DAB1: variants seen among roughly 807,000 people sequenced by gnomAD.
DAB1 encodes the protein disabled homolog 1.
In DAB1, 15 loss-of-function variants were observed where a neutral mutation model predicts 64.6. The observed-to-expected ratio is 0.23, with a 90% confidence interval of 0.16 to 0.36. The LOEUF is 0.36. Ranked by LOEUF, DAB1 falls within the 10% of genes least tolerant of loss-of-function variation. The pLI is 1.00. For missense variants in DAB1, 596 were observed against 706.7 expected, an observed-to-expected ratio of 0.84 and a Z score of 1.78; for synonymous variants, 235 against 251.9, an observed-to-expected ratio of 0.93 and a Z score of 0.64.
chr1:57,782,868 C>T (rs1650163666), intron 6 of DAB1, among the ~76,000 whole-genome samples: 1 of 152,074 alleles, frequency 6.6e-6, no homozygotes, highest in Admixed American at 6.6e-5. Flanking sequence ...GCTTGAAAAC[C>T]ACCATCTGCG....
intron 1 of DAB1, among the ~76,000 whole-genome samples, chr1:57,341,534 T>A (rs7543805): frequency 0.51 from 77,600 of 151,988 alleles, 20,552 homozygotes; most frequent in Non-Finnish European, 0.56. Flanking sequence ...TCTAACCCCC[T>A]GAATTTGGGT....
intron 7 of DAB1, among the ~76,000 whole-genome samples, chr1:57,521,659 A>G (rs1644528448): frequency 6.6e-6 from 1 of 152,206 alleles, no homozygotes; most frequent in Admixed American, 6.5e-5. Flanking sequence ...CAGCCATAGT[A>G]TTTATAAAGA....
At chr1:58,515,513 A>T (rs997966746) in intron 2 of DAB1, among the ~76,000 whole-genome samples, 2 of 152,194 alleles carry the variant, frequency 1.3e-5, no homozygotes, top group African/African-American at 4.8e-5. Context: ...ATAGCAATGA[A>T]AAATCAGATG....
intron 3 of DAB1, among the ~76,000 whole-genome samples, chr1:58,413,404 G>A (rs1168713466): frequency 4.6e-5 from 7 of 152,184 alleles, no homozygotes; most frequent in Non-Finnish European, 1.0e-4. Context: ...CTGAGGCACA[G>A]AAATGTTAAG....
At chr1:57,601,788 G>A (rs1332246573) in intron 7 of DAB1, among the ~76,000 whole-genome samples, 2 of 152,084 alleles carry the variant, frequency 1.3e-5, no homozygotes, top group East Asian at 3.9e-4. Flanking sequence ...TTATTGATAA[G>A]TATTTGTTAA....
At chr1:58,296,317 CTGGTAGATACTCAGACAAAGAGCAA>C (rs1356621664) in intron 4 of DAB1, among the ~76,000 whole-genome samples, 1 of 152,150 alleles carries the variant, frequency 6.6e-6, no homozygotes, top group Non-Finnish European at 1.5e-5. Context: ...ATAGAGCCTT[CTGGTAGATACTCAGACAAAGAGCAA>C]TGGTTGATTG....
chr1:58,174,864 G>T (rs914872529), intron 4 of DAB1, among the ~76,000 whole-genome samples: 1 of 151,914 alleles, frequency 6.6e-6, no homozygotes, highest in South Asian at 2.1e-4. Flanking sequence ...ACCAATCAGT[G>T]CTCTGTGTCT....
chr1:58,205,576 G>A (rs1389520610), intron 4 of DAB1, among the ~76,000 whole-genome samples: 2 of 152,328 alleles, frequency 1.3e-5, no homozygotes, highest in East Asian at 1.9e-4. Flanking sequence ...TAATTCAACT[G>A]TTTAGCTCAT....
chr1:57,573,573 G>C (rs1645216256), intron 7 of DAB1, among the ~76,000 whole-genome samples: 1 of 152,168 alleles, frequency 6.6e-6, no homozygotes, highest in Admixed American at 6.5e-5. Context: ...CTCTGAGTTT[G>C]GATATCAGTG....
At chr1:57,531,829 A>G (rs556603979) in intron 7 of DAB1, among the ~76,000 whole-genome samples, 9 of 152,256 alleles carry the variant, frequency 5.9e-5, no homozygotes, top group Admixed American at 2.6e-4. Context: ...GGCTGATTCC[A>G]TGCTACCAAC....
intron 6 of DAB1, among the ~76,000 whole-genome samples, chr1:57,748,680 T>G (rs1648400728): frequency 6.6e-6 from 1 of 152,160 alleles, no homozygotes; most frequent in African/African-American, 2.4e-5. Flanking sequence ...CTTCCCAGAA[T>G]AGTGAGCCCC....
intron 1 of DAB1, among the ~76,000 whole-genome samples, chr1:57,380,504 G>C (rs1048460781): frequency 2.6e-5 from 4 of 152,178 alleles, no homozygotes; most frequent in African/African-American, 9.7e-5. Context: ...CCAGCAGTTT[G>C]GATAATTCAG....
intron 7 of DAB1, among the ~76,000 whole-genome samples, chr1:57,441,383 G>C (rs553271740): frequency 1.4e-5 from 2 of 145,692 alleles, no homozygotes; most frequent in African/African-American, 2.6e-5. Flanking sequence ...TTTGAGGCAG[G>C]GTTCTCACTT....
intron 14 of DAB1, 123 bp downstream of exon 14, chr1:57,010,557 C>G: frequency 4.0e-6 from 2 of 502,422 alleles, no homozygotes; most frequent in South Asian, 5.2e-5. Flanking sequence ...CAAACATCAG[C>G]AATACAGCTC....
At chr1:57,937,243 C>T (rs11576791) in intron 5 of DAB1, among the ~76,000 whole-genome samples, 61,228 of 151,744 alleles carry the variant, frequency 0.4, 13,502 homozygotes, top group Admixed American at 0.51. Context: ...AGGGACCCAA[C>T]GGGATTCCTC....
intron 3 of DAB1, among the ~76,000 whole-genome samples, chr1:58,428,366 A>T (rs879783295): frequency 2.0e-5 from 3 of 152,224 alleles, no homozygotes; most frequent in Non-Finnish European, 4.4e-5. Flanking sequence ...ATGTTTAAAG[A>T]CACTAGGTGG....
intron 5 of DAB1, among the ~76,000 whole-genome samples, chr1:58,112,499 G>A (rs1652032042): frequency 1.3e-5 from 2 of 152,146 alleles, no homozygotes; most frequent in South Asian, 2.1e-4. Context: ...TCCCAAACCT[G>A]AGACTATTTT....
At chr1:58,168,588 G>C (rs1307207220) in intron 4 of DAB1, among the ~76,000 whole-genome samples, 1 of 152,066 alleles carries the variant, frequency 6.6e-6, no homozygotes, top group Non-Finnish European at 1.5e-5. Flanking sequence ...TCACCAAGCA[G>C]AAAGACATAA....
Position 57,012,852 on chromosome 1 carries a change from A to G in DAB1, c.1445-1580T>C, listed in dbSNP as rs1646306533. On this transcript the variant is annotated intron_variant, in intron 12 of 14. Coordinates refer to ENST00000371236, the MANE Select transcript of DAB1 (RefSeq NM_001365792.1). ...CACAAGCTGAGTTGCCAGTTCTGGC[A>G]GGTATACTGCTCAGACTTACCTAAT... 1.3e-5 allele frequency among the ~76,000 whole-genome samples: 2 copies of G among 152,366 alleles called. 1 individual carries two copies. Among genetic ancestry groups the G allele is most frequent in the Middle Eastern group, 6.8e-3 (2 of 294 alleles).
Sources: gnomAD v4.1 joint callset for allele counts (sites outside exome capture counted in the v4.1 genomes callset) on GRCh38, gnomAD v4.1.1 for gene constraint, MANE v1.5 for transcripts, NCBI Gene and HGNC (gene_info 2026-07-23, HGNC 2026-07-21) for gene names.